Variants in ZSCAN5A observed in about 807,000 individuals in gnomAD.
ZSCAN5A encodes the protein zinc finger and SCAN domain-containing protein 5A.
ZSCAN5A carries 12 observed loss-of-function variants against 23.7 expected under a neutral mutation model. The observed-to-expected ratio is 0.51, with a 90% CI of 0.32 to 0.82. ZSCAN5A has a LOEUF of 0.82. Among genes scored for constraint, ZSCAN5A ranks in the 40% least tolerant of loss-of-function variants. The pLI, the probability that ZSCAN5A is intolerant of heterozygous loss-of-function variation, is 0.03. For missense variants in ZSCAN5A, 597 were observed against 617.9 expected, an observed-to-expected ratio of 0.97 and a Z score of 0.36; for synonymous variants, 257 against 239.9, an observed-to-expected ratio of 1.07 and a Z score of -0.66.
chr19:56,366,270 G>A (rs1308329120), intron 1 of ZSCAN5A, among the ~76,000 whole-genome samples: 3 of 151,826 alleles, frequency 2.0e-5, no homozygotes, highest in Non-Finnish European at 2.9e-5. Context: ...GTGAAACCCC[G>A]TCTCTACTAA....
intron 2 of ZSCAN5A, among the ~76,000 whole-genome samples, chr19:56,230,632 T>TAC (rs1190582417): frequency 3.3e-5 from 3 of 91,096 alleles, no homozygotes; most frequent in South Asian, 4.1e-4. Context: ...TGTGTGTGTG[T>TAC]GTGTGTGTGT....
intron 2 of ZSCAN5A, among the ~76,000 whole-genome samples, chr19:56,322,593 G>A (rs996477724): frequency 2.0e-5 from 3 of 152,026 alleles, no homozygotes; most frequent in African/African-American, 7.2e-5. Context: ...ATGTAAACGC[G>A]TTCCCTCCCT....
At chr19:56,310,244 G>A (rs1218549496) in intron 2 of ZSCAN5A, 1 of 152,290 alleles carries the variant, frequency 6.6e-6, no homozygotes, top group African/African-American at 2.4e-5. Context: ...GACTGCCTGT[G>A]TGGAGGGTAA....
chr19:56,239,948 G>C (rs1341365293), intron 2 of ZSCAN5A, among the ~76,000 whole-genome samples: 3 of 152,216 alleles, frequency 2.0e-5, no homozygotes, highest in African/African-American at 7.2e-5. Flanking sequence ...CAGATCACTA[G>C]GTCAGGAGTT....
At chr19:56,360,115 G>A (rs1219707430) in intron 2 of ZSCAN5A, among the ~76,000 whole-genome samples, 1 of 152,148 alleles carries the variant, frequency 6.6e-6, no homozygotes. Context: ...ATTCAAATAG[G>A]AAGAGAAGAA....
intron 2 of ZSCAN5A, among the ~76,000 whole-genome samples, chr19:56,331,315 T>A (rs1568755524): frequency 6.6e-6 from 1 of 152,186 alleles, no homozygotes; most frequent in Non-Finnish European, 1.5e-5. Context: ...TTAGAGTAGT[T>A]TTTTTCTAGT....
chr19:56,245,742 C>T (rs528491125), intron 2 of ZSCAN5A, among the ~76,000 whole-genome samples: 6 of 151,798 alleles, frequency 4.0e-5, no homozygotes, highest in Admixed American at 1.3e-4. Context: ...CATTTAATGT[C>T]ATAATTCAGC....
chr19:56,228,096 C>A (rs2034123815), intron 2 of ZSCAN5A, among the ~76,000 whole-genome samples: 1 of 152,116 alleles, frequency 6.6e-6, no homozygotes, highest in South Asian at 2.1e-4. Flanking sequence ...AGAAGCGTTA[C>A]ATAACGAGTC....
intron 2 of ZSCAN5A, among the ~76,000 whole-genome samples, chr19:56,331,578 C>CTTTTTTTTTTTTTTTTTTT (rs68085541): frequency 2.0e-5 from 1 of 48,964 alleles, no homozygotes; most frequent in African/African-American, 8.4e-5. Context: ...GAATTGCATT[C>CTTTTTTTTTTTTTTTTTTT]TTTTTTTTTT....
rs779668524 is a variant in ZSCAN5A at position 56,221,645 on chromosome 19, G to A, written c.1421C>T (p.Pro474Leu). The A allele has an allele frequency of 6.2e-7, 1 of 1,614,090 alleles. No individual in the cohort carries two copies. The highest frequency in any genetic ancestry group is 8.5e-7 in the Non-Finnish European group (1 of 1,179,980). Residue 474 changes from proline to leucine, a missense_variant, in exon 6 of 6, where the codon CCA becomes CTA. By Grantham distance (98) the Pro-to-Leu change is moderately conservative. This residue lies in a region of ZSCAN5A where 87 missense variants were observed against 74.4 expected (regional missense o/e 1.17). Transcript: ENST00000683990. ...CAATTTCAGCCGACTGAAGGCTCTT[G>A]GACACTTGGAACATTTGTAGGGTTT... ...GEKPYKCSKC[P>L]RAFSRLKLLR...
At chr19:56,223,194 AC>A (rs1849328931) in intron 4 of ZSCAN5A, among the ~76,000 whole-genome samples, 1 of 152,156 alleles carries the variant, frequency 6.6e-6, no homozygotes, top group South Asian at 2.1e-4. Flanking sequence ...CTACAATGAC[AC>A]ACAAAAGCAT....
At chr19:56,311,641 C>T (rs2041041660) in intron 2 of ZSCAN5A, among the ~76,000 whole-genome samples, 1 of 152,142 alleles carries the variant, frequency 6.6e-6, no homozygotes, top group South Asian at 2.1e-4. Context: ...GAGTTTGCCT[C>T]ATAGAGGTAA....
intron 2 of ZSCAN5A, chr19:56,284,063 C>T (rs1293137221): frequency 4.2e-6 from 2 of 475,962 alleles, no homozygotes; most frequent in Admixed American, 6.4e-5. Flanking sequence ...CAATCTGTTC[C>T]CAGCCCCCAG....
At chr19:56,280,213 C>T (rs1321449058) in intron 2 of ZSCAN5A, among the ~76,000 whole-genome samples, 1 of 152,176 alleles carries the variant, frequency 6.6e-6, no homozygotes, top group Non-Finnish European at 1.5e-5. Context: ...ATGCACCTTA[C>T]TTTTTTCACC....
rs775177600 is a variant in ZSCAN5A, at chr19:56,223,616, G to T, written c.588+15C>A. 6.2e-7 allele frequency: 1 copy of T among 1,612,492 alleles called. No individual in the cohort carries two copies. On this transcript the variant is annotated intron_variant, in intron 4 of 5. Transcript: ENST00000683990. ...CTCCCACCTCTGCCCAGACACCAAG[G>T]CCTCACACACTCACCTGCCTCCTGG...
intron 2 of ZSCAN5A, chr19:56,321,292 A>G: frequency 1.5e-6 from 1 of 662,112 alleles, no homozygotes. Flanking sequence ...GGTAAGAAGA[A>G]AATAACTCGC....
rs2033407486 is a variant in ZSCAN5A, at chr19:56,222,704, G to A, written c.626C>T (p.Thr209Ile). ...DFLLHKSIDVTGDPKSLRPKQ... is the reference protein window; with the variant it reads ...DFLLHKSIDVIGDPKSLRPKQ... ...GGGTCTCAGAGACTTTGGGTCACCTGTTACGTCAATACTCTTGTGTAGCAG... is the reference window on the plus strand; with the variant it reads ...GGGTCTCAGAGACTTTGGGTCACCTATTACGTCAATACTCTTGTGTAGCAG... Residue 209 changes from threonine to isoleucine, a missense_variant, in exon 5 of 6, where the codon ACA (threonine) becomes ATA (isoleucine). Thr to Ile is a moderately conservative substitution (Grantham distance 89). Transcript: ENST00000683990. The A allele has an allele frequency of 1.9e-6, 3 of 1,614,090 alleles. No individual in the cohort carries two copies. The highest frequency in any genetic ancestry group is 2.5e-6 in the Non-Finnish European group (3 of 1,180,006).
At chr19:56,298,942 A>C (rs916344097) in intron 2 of ZSCAN5A, among the ~76,000 whole-genome samples, 2 of 152,206 alleles carry the variant, frequency 1.3e-5, no homozygotes, top group Admixed American at 1.3e-4. Flanking sequence ...TCCTAGACTA[A>C]ATATTAGCAA....
At chr19:56,309,870 G>A (rs756448977) in intron 2 of ZSCAN5A, among the ~76,000 whole-genome samples, 2 of 152,212 alleles carry the variant, frequency 1.3e-5, no homozygotes, top group Non-Finnish European at 2.9e-5. Context: ...TTGCCCTGGT[G>A]ATGGGGCAGA....
Sources: allele counts gnomAD v4.1 joint callset (sites outside exome capture counted in the v4.1 genomes callset), GRCh38; gene constraint gnomAD v4.1.1; regional missense constraint gnomAD v4.1.1; transcripts MANE v1.5; gene names NCBI Gene and HGNC (gene_info 2026-07-23, HGNC 2026-07-21).